The following UBAP1 variants were observed in gnomAD, a reference collection of about 807,000 sequenced individuals.
UBAP1 encodes ubiquitin associated protein 1.
A neutral mutation model predicts 39.0 loss-of-function variants in UBAP1; 5 were observed. The ratio of observed to expected loss-of-function variants is 0.13; its 90% CI spans 0.07 to 0.27. The LOEUF (loss-of-function observed/expected upper bound fraction) is 0.27. Ranked by LOEUF, UBAP1 falls within the 10% of genes least tolerant of loss-of-function variation. The probability of loss-of-function intolerance (pLI) is 1.00; values close to 1 mark genes in which losing one functional copy is unlikely to be tolerated. For missense variants in UBAP1, 490 were observed against 608.1 expected (o/e 0.81, Z 2.04); for synonymous variants, 211 against 225.1 (o/e 0.94, Z 0.56).
intron 1 of UBAP1, among the ~76,000 whole-genome samples, chr9:34,211,115 G>A (rs1831996794): frequency 7.0e-6 from 1 of 143,392 alleles, no homozygotes; most frequent in Non-Finnish European, 1.5e-5. Flanking sequence ...ATTTAATTTG[G>A]AAACATGAAT....
intron 1 of UBAP1, among the ~76,000 whole-genome samples, chr9:34,216,825 T>G (rs371235640): frequency 6.6e-6 from 1 of 151,710 alleles, no homozygotes; most frequent in South Asian, 2.1e-4. Context: ...GTTTGTATGT[T>G]TAGTAGAGAT....
At chr9:34,202,131 G>C (rs1831407697) in intron 1 of UBAP1, among the ~76,000 whole-genome samples, 1 of 152,032 alleles carries the variant, frequency 6.6e-6, no homozygotes, top group African/African-American at 2.4e-5. Context: ...GCTTCATGAT[G>C]TTAGCATTCC....
intron 1 of UBAP1, among the ~76,000 whole-genome samples, chr9:34,190,011 C>T (rs924010943): frequency 4.5e-4 from 68 of 152,108 alleles, no homozygotes; most frequent in African/African-American, 1.6e-3. Flanking sequence ...AACTTAACAA[C>T]TTTTGTTTTC....
chr9:34,232,306 T>C (rs1355583716), intron 2 of UBAP1, among the ~76,000 whole-genome samples: 1 of 152,336 alleles, frequency 6.6e-6, no homozygotes, highest in East Asian at 1.9e-4. Context: ...GAGTTTCTTC[T>C]TAAAGGGCTA....
chr9:34,207,028 C>T (rs568695539), intron 1 of UBAP1, among the ~76,000 whole-genome samples: 11 of 139,722 alleles, frequency 7.9e-5, no homozygotes, highest in African/African-American at 2.9e-4. Context: ...TTTTTTTCTG[C>T]GTTTGCTTAA....
chr9:34,207,500 T>C (rs1831776727), intron 1 of UBAP1, among the ~76,000 whole-genome samples: 1 of 151,956 alleles, frequency 6.6e-6, no homozygotes, highest in Non-Finnish European at 1.5e-5. Context: ...AATATCCCGC[T>C]CAAGAGTATT....
intron 1 of UBAP1, chr9:34,201,273 A>G (rs920131269): frequency 1.3e-5 from 2 of 152,102 alleles, no homozygotes; most frequent in Non-Finnish European, 1.5e-5. Context: ...TTGGCTGGGC[A>G]TGACTCATGC....
chr9:34,192,269 C>T (rs1458843386), intron 1 of UBAP1, among the ~76,000 whole-genome samples: 1 of 151,798 alleles, frequency 6.6e-6, no homozygotes, highest in African/African-American at 2.4e-5. Flanking sequence ...GTAATCCCAG[C>T]ACTTTGGGAG....
intron 2 of UBAP1, among the ~76,000 whole-genome samples, chr9:34,221,262 G>A (rs1268475243): frequency 6.6e-6 from 1 of 152,144 alleles, no homozygotes; most frequent in African/African-American, 2.4e-5. Flanking sequence ...GGGCGCGGTG[G>A]TTCAAGCCTG....
chr9:34,211,439 T>A (rs1301042048), intron 1 of UBAP1, among the ~76,000 whole-genome samples: 1 of 152,202 alleles, frequency 6.6e-6, no homozygotes, highest in Non-Finnish European at 1.5e-5. Flanking sequence ...AATTTGTATC[T>A]TGGGAAATTA....
At chr9:34,181,909 G>T (rs1393422022) in intron 1 of UBAP1, among the ~76,000 whole-genome samples, 1 of 150,112 alleles carries the variant, frequency 6.7e-6, no homozygotes, top group African/African-American at 2.5e-5. Context: ...ATTCTGAAAA[G>T]ATAATAATAG....
At chr9:34,221,046 CTT>C (rs1458265064) in intron 2 of UBAP1, 98 bp downstream of exon 2, 8 of 1,060,968 alleles carry the variant, frequency 7.5e-6, no homozygotes, top group South Asian at 5.4e-5. Context: ...CTTTTTGTCT[CTT>C]TTAATGAACA....
At chr9:34,229,817 A>G (rs921600445) in intron 2 of UBAP1, among the ~76,000 whole-genome samples, 3 of 151,762 alleles carry the variant, frequency 2.0e-5, no homozygotes, top group African/African-American at 7.3e-5. Flanking sequence ...GATTACAGGC[A>G]TAAGTCACCA....
chr9:34,237,140 A>G (rs1222375275), intron 3 of UBAP1, among the ~76,000 whole-genome samples: 1 of 152,040 alleles, frequency 6.6e-6, no homozygotes, highest in African/African-American at 2.4e-5. Context: ...GTACTGAGTT[A>G]CTCCTTGAAA....
chr9:34,187,714 T>A (rs561920879), intron 1 of UBAP1, among the ~76,000 whole-genome samples: 4 of 152,250 alleles, frequency 2.6e-5, no homozygotes, highest in African/African-American at 9.6e-5. Context: ...TTTGCTTTTT[T>A]TTTTAAACTC....
chr9:34,179,499 A>T (rs1216743851), intron 1 of UBAP1, among the ~76,000 whole-genome samples: 1 of 151,812 alleles, frequency 6.6e-6, no homozygotes, highest in Non-Finnish European at 1.5e-5. Context: ...GGAGACTAAT[A>T]CCCTACTGGA....
chr9:34,199,031 C>T (rs141166376), intron 1 of UBAP1, among the ~76,000 whole-genome samples: 1 of 152,284 alleles, frequency 6.6e-6, no homozygotes, highest in Non-Finnish European at 1.5e-5. Flanking sequence ...TGACTAGAAC[C>T]TGGACCTCCT....
At chr9:34,192,629 G>T (rs1830796542) in intron 1 of UBAP1, among the ~76,000 whole-genome samples, 2 of 151,684 alleles carry the variant, frequency 1.3e-5, no homozygotes, top group South Asian at 4.2e-4. Flanking sequence ...TTTAGGGATG[G>T]GGGTCTTGCT....
intron 4 of UBAP1, among the ~76,000 whole-genome samples, chr9:34,246,842 A>G (rs957306442): frequency 6.6e-6 from 1 of 151,288 alleles, no homozygotes; most frequent in African/African-American, 2.5e-5. Flanking sequence ...TCACAAACGT[A>G]CTTTCCCTCA....
Sources: allele counts gnomAD v4.1 joint callset (sites outside exome capture counted in the v4.1 genomes callset), GRCh38; gene constraint gnomAD v4.1.1; transcripts MANE v1.5; gene names NCBI Gene and HGNC (gene_info 2026-07-23, HGNC 2026-07-21).